EIF2S3B: variants seen among roughly 807,000 people sequenced by gnomAD.
EIF2S3B encodes eukaryotic translation initiation factor 2 subunit gamma B.
A neutral mutation model predicts 26.4 loss-of-function variants in EIF2S3B; 16 were observed. The observed-to-expected ratio is 0.61, with a 90% CI of 0.41 to 0.92. The LOEUF is 0.92. Ranked by LOEUF, EIF2S3B falls within the 40% of genes least tolerant of loss-of-function variation. The pLI is 0.00. For synonymous variants in EIF2S3B, 183 were observed against 204.4 expected (o/e 0.90, Z 0.89); for missense variants, 510 against 575.5 (o/e 0.89, Z 1.16).
intron 1 of EIF2S3B, among the ~76,000 whole-genome samples, chr12:10,515,941 A>G (rs896244048): frequency 6.6e-6 from 1 of 151,116 alleles, no homozygotes; most frequent in Non-Finnish European, 1.5e-5. Flanking sequence ...TTAGTATAAA[A>G]TAAGTGTTAG....
chr12:10,515,800 T>C (rs1591635697), intron 1 of EIF2S3B, among the ~76,000 whole-genome samples: 1 of 151,576 alleles, frequency 6.6e-6, no homozygotes, highest in Admixed American at 6.6e-5. Context: ...CACACACACA[T>C]ACTAACTTAT....
chr12:10,516,844 C>T (rs910915463), intron 1 of EIF2S3B, among the ~76,000 whole-genome samples: 21 of 152,066 alleles, frequency 1.4e-4, no homozygotes, highest in Non-Finnish European at 3.1e-4. Flanking sequence ...TTGTCAAAGG[C>T]CTTTTCTGCA....
At chr12:10,515,020 C>A (rs1162023300) in intron 1 of EIF2S3B, among the ~76,000 whole-genome samples, 1 of 152,028 alleles carries the variant, frequency 6.6e-6, no homozygotes, top group African/African-American at 2.4e-5. Context: ...TGCAAAAGAC[C>A]CTCATGAAGC....
chr12:10,505,934 G>T lies in EIF2S3B; in HGVS notation c.32G>T (p.Gly11Val). Residue 11 changes from glycine (G) to valine (V), a missense_variant, in exon 1 of 1, where the codon GGG becomes GTG. Transcript: ENST00000538173. ...GGCGGAGAAGCTGGGGTGACTCTGGGGCAGCCGCACCTTTCGCGTCAGGAT... is the reference window on the plus strand; with the variant it reads ...GGCGGAGAAGCTGGGGTGACTCTGGTGCAGCCGCACCTTTCGCGTCAGGAT... MAGGEAGVTL[G>V]QPHLSRQDLT... 6.2e-7 allele frequency: 1 copy of T among 1,601,426 alleles called. No individual in the cohort carries two copies. Among genetic ancestry groups the T allele is most frequent in the Non-Finnish European group, 8.6e-7 (1 of 1,168,462 alleles).
rs59820841 is a variant in EIF2S3B, at chr12:10,507,329, C to T, written c.*8C>T. The T allele has an allele frequency of 7.5e-3, 12,111 of 1,612,614 alleles. 735 individuals carry two copies. The African/African-American group carries it at 0.14, about 18-fold the overall frequency. ...ACAGTAGATGATGACTGAAGAATACCGGTTAAATAATACATTCGGATGGAG... is the reference window on the plus strand; with the variant it reads ...ACAGTAGATGATGACTGAAGAATACTGGTTAAATAATACATTCGGATGGAG... On this transcript the variant is annotated 3_prime_UTR_variant, in exon 1 of 1. Coordinates refer to ENST00000538173, the MANE Select transcript of EIF2S3B (RefSeq NM_001357734.3).
downstream of EIF2S3B, among the ~76,000 whole-genome samples, chr12:10,510,906 A>G (rs1226124444): frequency 6.6e-6 from 1 of 152,182 alleles, no homozygotes; most frequent in Non-Finnish European, 1.5e-5. Context: ...AAACTTATTC[A>G]CAAGCAAGTA....
At chr12:10,522,290 G>C (rs1251928475) in intron 1 of EIF2S3B, among the ~76,000 whole-genome samples, 1 of 152,150 alleles carries the variant, frequency 6.6e-6, no homozygotes, top group Non-Finnish European at 1.5e-5. Context: ...AGCCATGATT[G>C]TGCCAGTGCA....
At chr12:10,522,580 A>T in intron 1 of EIF2S3B, 1 of 665,108 alleles carries the variant, frequency 1.5e-6, no homozygotes, top group Non-Finnish European at 2.7e-6. Context: ...TGATTCTTCA[A>T]CATCCATTGC....
In EIF2S3B at chr12:10,514,152, A is replaced by G. The variant is rs140987208; in HGVS notation, c.1308+6942A>G. On this transcript the variant is annotated intron_variant, in intron 1 of 1. Coordinates refer to the EIF2S3B transcript ENST00000322446. ...AGTGTCTCTGTTTCCTAATTGGCCA[A>G]TAGGTTTTAGCCATTGCAATCTACT... 4.3e-4 allele frequency among the ~76,000 whole-genome samples: 66 copies of G among 152,230 alleles called. No individual in the cohort carries two copies. The East Asian group carries it at 0.01, about 23-fold the overall frequency.
chr12:10,510,176 G>C (rs1864690217), downstream of EIF2S3B, among the ~76,000 whole-genome samples: 1 of 152,128 alleles, frequency 6.6e-6, no homozygotes, highest in Non-Finnish European at 1.5e-5. Context: ...GAGGACATCA[G>C]GGCTATTATT....
At chr12:10,520,738 G>A (rs1228871864) in intron 1 of EIF2S3B, among the ~76,000 whole-genome samples, 1 of 152,072 alleles carries the variant, frequency 6.6e-6, no homozygotes, top group Non-Finnish European at 1.5e-5. Flanking sequence ...ATATCTGAGG[G>A]CTGCAGTCAA....
Position 10,507,308 on chromosome 12 carries a change from T to C in EIF2S3B, c.1406T>C (p.Val469Ala), listed in dbSNP as rs772211823. Residue 469 changes from valine (V) to alanine (A), a missense_variant, in exon 1 of 1, where the codon GTA becomes GCA. Physicochemically the swap from Val to Ala is moderately conservative, Grantham distance 64. Transcript: ENST00000538173. ...IRRGVTIKPTVDDD is the reference protein window; with the variant it reads ...IRRGVTIKPTADDD ...AGAGGAGTGACAATCAAGCCAACAG[T>C]AGATGATGACTGAAGAATACCGGTT... is the stretch of plus-strand genomic sequence containing the variant. 6.2e-7 allele frequency: 1 copy of C among 1,613,150 alleles called. No individual in the cohort carries two copies. The highest frequency in any genetic ancestry group is 8.5e-7 in the Non-Finnish European group (1 of 1,179,130).
chr12:10,507,342 C>G lies in EIF2S3B; in HGVS notation c.*21C>G. The G allele has an allele frequency of 6.2e-7, 1 of 1,611,916 alleles. No individual in the cohort carries two copies. The highest frequency in any genetic ancestry group is 1.3e-5 in the African/African-American group (1 of 74,962). ...ACTGAAGAATACCGGTTAAATAATA[C>G]ATTCGGATGGAGCTGGAAGTTGCAA... is the stretch of plus-strand genomic sequence containing the variant. On this transcript the variant is annotated 3_prime_UTR_variant, in exon 1 of 1. Coordinates refer to ENST00000538173, the MANE Select transcript of EIF2S3B (RefSeq NM_001357734.3).
At chr12:10,519,438 C>T (rs1306026040) in intron 1 of EIF2S3B, among the ~76,000 whole-genome samples, 5 of 151,928 alleles carry the variant, frequency 3.3e-5, no homozygotes, top group Non-Finnish European at 4.4e-5. Flanking sequence ...CCATTCAGGA[C>T]ATAGGCATGG....
intron 1 of EIF2S3B, among the ~76,000 whole-genome samples, chr12:10,517,503 T>C (rs1864771151): frequency 6.6e-6 from 1 of 152,178 alleles, no homozygotes; most frequent in Non-Finnish European, 1.5e-5. Flanking sequence ...TTCTCTCTTT[T>C]CTTCTTTATT....
At position 10,507,307 on chromosome 12, in the gene EIF2S3B, G is replaced by A. The variant is rs748349817; in HGVS notation, c.1405G>A (p.Val469Ile). The stretch of plus-strand genomic sequence containing the variant: ...AAGAGGAGTGACAATCAAGCCAACA[G>A]TAGATGATGACTGAAGAATACCGGT... ...IRRGVTIKPT[V>I]DDD The change falls in exon 1 of 1, where the codon GTA (valine) becomes ATA (isoleucine). Residue 469 changes from valine (V) to isoleucine (I), a missense_variant. By Grantham distance (29) the Val-to-Ile change is conservative (BLOSUM62 3). Coordinates refer to ENST00000538173, the MANE Select transcript of EIF2S3B (RefSeq NM_001357734.3). 4.3e-6 allele frequency: 7 copies of A among 1,613,198 alleles called. No individual in the cohort carries two copies. In the Admixed American group the frequency reaches 8.3e-5, roughly 19 times the overall value.
Position 10,507,471 on chromosome 12 carries a change from T to G in EIF2S3B, c.*150T>G, listed in dbSNP as rs1305315311. 19 of 921,342 alleles carry G rather than the reference T, an allele frequency of 2.1e-5. No individual in the cohort carries two copies. The highest frequency in any genetic ancestry group is 3.1e-5 in the Non-Finnish European group (19 of 618,134). 57.1% of individuals were successfully genotyped at this position (921,342 alleles called of 1,614,324 possible). On this transcript the variant is annotated 3_prime_UTR_variant, in exon 1 of 1. Coordinates refer to ENST00000538173, the MANE Select transcript of EIF2S3B (RefSeq NM_001357734.3). ...AACGGTAAGGTTATTCTCTCTTTTT[T>G]TTTTTGGTTATGAAAACTTAGGGAC...
rs1319342670 is a variant in EIF2S3B, at chr12:10,508,090, C to A, written c.*769C>A. Among the ~76,000 whole-genome samples, 1 of 152,052 alleles carries A rather than the reference C, an allele frequency of 6.6e-6. No homozygotes were observed. Among genetic ancestry groups the A allele is most frequent in the East Asian group, 1.9e-4 (1 of 5,204 alleles). ...AAGACCTTCTCCCTTTTCTTTGGCCCCATATTTTATGTTGCTTTATCTTTG... is the reference window on the plus strand; with the variant it reads ...AAGACCTTCTCCCTTTTCTTTGGCCACATATTTTATGTTGCTTTATCTTTG... On this transcript the variant is annotated 3_prime_UTR_variant, in exon 1 of 1. Coordinates refer to ENST00000538173, the MANE Select transcript of EIF2S3B (RefSeq NM_001357734.3).
chr12:10,508,286 T>TA lies in EIF2S3B; in HGVS notation c.*966dup, dbSNP rs1864667186. Among the ~76,000 whole-genome samples, 5 of 152,142 alleles carry TA rather than the reference T, an allele frequency of 3.3e-5. No individual in the cohort carries two copies. The highest frequency in any genetic ancestry group is 3.3e-4 in the Admixed American group (5 of 15,268). ...AATACGGGAAACTAGAGTCAGAAGT[T>TA]ATCTCCCTCTCCCTGTGATGCCTTG... On this transcript the variant is annotated 3_prime_UTR_variant, in exon 1 of 1. Transcript: ENST00000538173.
Sources: gnomAD v4.1 joint callset for allele counts (sites outside exome capture counted in the v4.1 genomes callset) on GRCh38, gnomAD v4.1.1 for gene constraint, MANE v1.5 for transcripts, NCBI Gene and HGNC (gene_info 2026-07-23, HGNC 2026-07-21) for gene names.